Variants in ST6GALNAC5 observed in about 807,000 individuals in gnomAD.
The protein encoded by ST6GALNAC5 is ST6 N-acetylgalactosaminide alpha-2,6-sialyltransferase 5.
In ST6GALNAC5, 27 loss-of-function variants were observed where a neutral mutation model predicts 33.6. The ratio of observed to expected loss-of-function variants is 0.80; its 90% CI spans 0.59 to 1.11. ST6GALNAC5 has a LOEUF of 1.11. Ranked by LOEUF, ST6GALNAC5 falls within the 50% of genes least tolerant of loss-of-function variation. The pLI is 0.00. For synonymous variants in ST6GALNAC5, 194 were observed against 171.2 expected, an observed-to-expected ratio of 1.13 and a Z score of -1.04; for missense variants, 428 against 454.0, an observed-to-expected ratio of 0.94 and a Z score of 0.52.
At chr1:76,940,903 T>C (rs1348857775) in intron 2 of ST6GALNAC5, among the ~76,000 whole-genome samples, 2 of 152,130 alleles carry the variant, frequency 1.3e-5, no homozygotes, top group African/African-American at 2.4e-5. Flanking sequence ...ATAAATCATA[T>C]GACTGATAGT....
In ST6GALNAC5 at chr1:77,063,259, G is replaced by C; in HGVS notation, c.*53G>C. On this transcript the variant is annotated 3_prime_UTR_variant, in exon 5 of 5. Transcript: ENST00000477717. Reference sequence around the variant, plus strand: ...AGGTATTCACTGCATCAGACACCGAGACACTGAACTTCCTGAGCCACCAGA... The same window carrying C: ...AGGTATTCACTGCATCAGACACCGACACACTGAACTTCCTGAGCCACCAGA... The C allele has an allele frequency of 6.5e-7, 1 of 1,526,918 alleles. No homozygotes were observed. The highest frequency in any genetic ancestry group is 9.0e-7 in the Non-Finnish European group (1 of 1,107,664). The allele number at this position is 1,526,918 out of a possible 1,614,324, so 94.6% of individuals were successfully genotyped here. A position where few individuals can be genotyped will look rare whatever the true frequency, so the allele number is the denominator to read the frequency against.
chr1:77,034,214 A>G (rs1651568047), intron 2 of ST6GALNAC5, among the ~76,000 whole-genome samples: 2 of 152,044 alleles, frequency 1.3e-5, no homozygotes, highest in Admixed American at 6.6e-5. Flanking sequence ...ACTTCCTTGC[A>G]TCTTCCAGCT....
chr1:77,003,717 T>C (rs934661363), intron 2 of ST6GALNAC5, among the ~76,000 whole-genome samples: 3 of 151,942 alleles, frequency 2.0e-5, no homozygotes, highest in Admixed American at 2.0e-4. Context: ...CATTTGCTTG[T>C]CTGTAAAGGA....
At chr1:76,871,569 A>C (rs1344408105) in intron 2 of ST6GALNAC5, among the ~76,000 whole-genome samples, 1 of 152,054 alleles carries the variant, frequency 6.6e-6, no homozygotes, top group African/African-American at 2.4e-5. Context: ...GCCTGTCTGC[A>C]ATGATGGTCT....
At chr1:76,908,847 A>T (rs1646887295) in intron 2 of ST6GALNAC5, among the ~76,000 whole-genome samples, 1 of 152,124 alleles carries the variant, frequency 6.6e-6, no homozygotes, top group Non-Finnish European at 1.5e-5. Context: ...GAATAAATAG[A>T]TTTTTCCATT....
chr1:76,994,262 T>C (rs1213358794), intron 2 of ST6GALNAC5, among the ~76,000 whole-genome samples: 1 of 152,220 alleles, frequency 6.6e-6, no homozygotes, highest in Non-Finnish European at 1.5e-5. Context: ...AATGGCTTGA[T>C]AGTTCATGTT....
At chr1:76,989,094 G>A (rs746699614) in intron 2 of ST6GALNAC5, among the ~76,000 whole-genome samples, 4 of 151,960 alleles carry the variant, frequency 2.6e-5, no homozygotes, top group South Asian at 2.1e-4. Context: ...CCTGTCTGCC[G>A]AAAGGATTCT....
At chr1:76,958,201 T>C (rs1257978342) in intron 2 of ST6GALNAC5, among the ~76,000 whole-genome samples, 2 of 152,216 alleles carry the variant, frequency 1.3e-5, no homozygotes, top group African/African-American at 2.4e-5. Context: ...TGCACAGTCA[T>C]GCACATTGTT....
chr1:76,928,989 T>C (rs1002939766), intron 2 of ST6GALNAC5, among the ~76,000 whole-genome samples: 2 of 152,186 alleles, frequency 1.3e-5, no homozygotes, highest in Non-Finnish European at 2.9e-5. Context: ...GAGCCATTAA[T>C]ACATGGAATT....
intron 2 of ST6GALNAC5, among the ~76,000 whole-genome samples, chr1:76,885,112 G>A (rs981901376): frequency 3.3e-5 from 5 of 152,114 alleles, no homozygotes; most frequent in Admixed American, 2.6e-4. Flanking sequence ...AGGGTTTTGT[G>A]CCAACCTATG....
intron 2 of ST6GALNAC5, among the ~76,000 whole-genome samples, chr1:76,962,692 A>G (rs1474408774): frequency 1.3e-5 from 2 of 152,238 alleles, no homozygotes; most frequent in Admixed American, 6.5e-5. Flanking sequence ...ACACACATTT[A>G]TATTTTAAGA....
intron 2 of ST6GALNAC5, among the ~76,000 whole-genome samples, chr1:77,018,654 A>G (rs1023667398): frequency 7.2e-5 from 11 of 152,336 alleles, no homozygotes; most frequent in African/African-American, 2.6e-4. Flanking sequence ...CACACAGTGA[A>G]TGTCCTTGAA....
intron 2 of ST6GALNAC5, among the ~76,000 whole-genome samples, chr1:76,885,672 C>G (rs549248193): frequency 6.6e-6 from 1 of 152,190 alleles, no homozygotes; most frequent in Non-Finnish European, 1.5e-5. Context: ...TTGATACTTA[C>G]GCTAAATTAT....
chr1:76,906,586 G>C lies in ST6GALNAC5; in HGVS notation c.261+37844G>C, dbSNP rs192123375. ...AATAGTACTCCTTCTATAATTTTTT[G>C]ATTGTTGAGTACAGGCATGACAAGA... On this transcript the variant is annotated intron_variant, in intron 2 of 4. Transcript: ENST00000477717. Among the ~76,000 whole-genome samples the C allele has an allele frequency of 6.9e-4, 105 of 152,150 alleles. 1 individual carries two copies. Among genetic ancestry groups the C allele is most frequent in the Non-Finnish European group, 1.4e-3 (95 of 67,984 alleles).
chr1:76,890,836 AT>A (rs1653998419), intron 2 of ST6GALNAC5, among the ~76,000 whole-genome samples: 1 of 152,098 alleles, frequency 6.6e-6, no homozygotes, highest in Non-Finnish European at 1.5e-5. Context: ...TTTCATATAC[AT>A]TTTTACATAA....
At chr1:77,043,548 TAGA>T (rs1246228975) in intron 2 of ST6GALNAC5, among the ~76,000 whole-genome samples, 1 of 152,196 alleles carries the variant, frequency 6.6e-6, no homozygotes, top group Non-Finnish European at 1.5e-5. Context: ...TCCGTTAAAA[TAGA>T]AGAAGCAATC....
intron 2 of ST6GALNAC5, among the ~76,000 whole-genome samples, chr1:76,932,380 G>A (rs1295000786): frequency 1.3e-5 from 2 of 152,088 alleles, no homozygotes; most frequent in Non-Finnish European, 1.5e-5. Flanking sequence ...GGAAGTAGAT[G>A]CGTCACAGGT....
At chr1:77,006,339 T>C (rs1482840160) in intron 2 of ST6GALNAC5, among the ~76,000 whole-genome samples, 2 of 147,634 alleles carry the variant, frequency 1.4e-5, no homozygotes, top group Non-Finnish European at 3.0e-5. Flanking sequence ...TTTTTTTTTT[T>C]TTTTTTGAGA....
intron 3 of ST6GALNAC5, among the ~76,000 whole-genome samples, chr1:77,047,444 G>A (rs2100466102): frequency 6.6e-6 from 1 of 152,300 alleles, no homozygotes; most frequent in East Asian, 1.9e-4. Context: ...CTAACTTGCA[G>A]ATCTCATGAT....
Sources: gnomAD v4.1 joint callset for allele counts (sites outside exome capture counted in the v4.1 genomes callset) on GRCh38, gnomAD v4.1.1 for gene constraint, MANE v1.5 for transcripts, NCBI Gene and HGNC (gene_info 2026-07-23, HGNC 2026-07-21) for gene names.